The following RANBP2 variants were observed in gnomAD, a reference collection of about 807,000 sequenced individuals.
RANBP2 encodes RAN binding protein 2, also known as E3 SUMO-protein ligase RanBP2.
A neutral mutation model predicts 303.6 loss-of-function variants in RANBP2; 57 were observed. That is an observed-to-expected ratio of 0.19 (90% CI 0.15 to 0.23). The LOEUF is 0.23. RANBP2 is among the 10% of genes least tolerant of loss of function. RANBP2 has a pLI of 1.00. For synonymous variants in RANBP2, 1,167 were observed against 1,301.5 expected (o/e 0.90, Z 2.23); for missense variants, 3,138 against 3,780.8 (o/e 0.83, Z 4.46).
chr2:108,870,082 A>G, the RANBP2 span, among the ~76,000 whole-genome samples: 4 of 152,258 alleles, frequency 2.6e-5, no homozygotes, highest in African/African-American at 9.6e-5. Flanking sequence ...TTTCTCAGCT[A>G]TCTTAAATAT....
chr2:108,904,043 A>G, the RANBP2 span, among the ~76,000 whole-genome samples: 1 of 152,204 alleles, frequency 6.6e-6, no homozygotes, highest in Non-Finnish European at 1.5e-5. Context: ...GAATGGAGAA[A>G]ACATTTATAA....
the RANBP2 span, among the ~76,000 whole-genome samples, chr2:108,840,676 T>G: frequency 8.5e-5 from 13 of 152,228 alleles, no homozygotes; most frequent in Non-Finnish European, 1.5e-4. Context: ...CATTATTTCC[T>G]TCTTGATATG....
At chr2:109,351,804 C>G in the RANBP2 span, among the ~76,000 whole-genome samples, 1 of 152,244 alleles carries the variant, frequency 6.6e-6, no homozygotes, top group African/African-American at 2.4e-5. Context: ...ACTGTGCTGT[C>G]CTAACCCTCA....
chr2:109,256,644 C>A, the RANBP2 span, among the ~76,000 whole-genome samples: 8 of 152,166 alleles, frequency 5.3e-5, no homozygotes, highest in African/African-American at 1.4e-4. Flanking sequence ...ATTTTTATTA[C>A]TTTTTCCCTA....
At chr2:109,200,900 C>A in the RANBP2 span, among the ~76,000 whole-genome samples, 3 of 152,194 alleles carry the variant, frequency 2.0e-5, no homozygotes, top group Non-Finnish European at 4.4e-5. Flanking sequence ...TCATGTCACT[C>A]CTCCTTGGGC....
At chr2:109,279,168 C>A in the RANBP2 span, among the ~76,000 whole-genome samples, 3 of 152,120 alleles carry the variant, frequency 2.0e-5, no homozygotes, top group South Asian at 6.2e-4. Context: ...AGCTGTGGTC[C>A]GGATTCCATG....
At chr2:109,567,792 T>C in the RANBP2 span, 1 of 1,544,554 alleles carries the variant, frequency 6.5e-7, no homozygotes, top group Non-Finnish European at 8.7e-7. Flanking sequence ...GAAAACAGAA[T>C]TAACATTCAA....
chr2:109,569,642 A>G, the RANBP2 span, among the ~76,000 whole-genome samples: 1 of 152,150 alleles, frequency 6.6e-6, no homozygotes, highest in Non-Finnish European at 1.5e-5. Flanking sequence ...TAAATTAGTC[A>G]AAGTACATAA....
the RANBP2 span, among the ~76,000 whole-genome samples, chr2:108,875,318 AT>A: frequency 0.28 from 13,349 of 47,670 alleles, 1,347 homozygotes; most frequent in African/African-American, 0.43. Flanking sequence ...TTAAAGTATA[AT>A]AAAAAAAAAA....
the RANBP2 span, among the ~76,000 whole-genome samples, chr2:109,706,731 T>C: frequency 6.6e-6 from 1 of 152,336 alleles, no homozygotes; most frequent in East Asian, 1.9e-4. Context: ...TCAATAAGTA[T>C]TTGTCTGATA....
chr2:108,905,981 C>T, the RANBP2 span, among the ~76,000 whole-genome samples: 13 of 152,292 alleles, frequency 8.5e-5, no homozygotes, highest in African/African-American at 2.4e-4. Context: ...AGTGTGGACA[C>T]GGTCTCTGGG....
At chr2:108,830,596 CAGG>C in the RANBP2 span, among the ~76,000 whole-genome samples, 2 of 151,582 alleles carry the variant, frequency 1.3e-5, no homozygotes, top group Non-Finnish European at 2.9e-5. Flanking sequence ...CACCTGATGT[CAGG>C]AGTTCAAGTC....
the RANBP2 span, among the ~76,000 whole-genome samples, chr2:108,840,733 TTC>T: frequency 6.6e-6 from 1 of 152,168 alleles, no homozygotes; most frequent in African/African-American, 2.4e-5. Context: ...TGCTAGAAGT[TTC>T]TCTGTTTCTC....
At chr2:109,614,762 C>T in the RANBP2 span, 3 of 1,478,502 alleles carry the variant, frequency 2.0e-6, no homozygotes, top group South Asian at 1.3e-5. Flanking sequence ...CCGAGCCCTC[C>T]GGGGACCCGC....
the RANBP2 span, among the ~76,000 whole-genome samples, chr2:109,104,930 G>T: frequency 6.6e-6 from 1 of 152,220 alleles, no homozygotes; most frequent in African/African-American, 2.4e-5. Context: ...GGGAGGCACT[G>T]TCATGACCCC....
the RANBP2 span, among the ~76,000 whole-genome samples, chr2:109,710,152 C>T: frequency 2.0e-5 from 3 of 150,618 alleles, no homozygotes; most frequent in African/African-American, 4.9e-5. Context: ...GAGGCCGAGA[C>T]GGGTGGATCA....
At chr2:109,242,449 A>C in the RANBP2 span, among the ~76,000 whole-genome samples, 1 of 152,176 alleles carries the variant, frequency 6.6e-6, no homozygotes, top group African/African-American at 2.4e-5. Context: ...CTTGGGGCTC[A>C]GAATGGGGCC....
At chr2:109,596,231 T>A in the RANBP2 span, among the ~76,000 whole-genome samples, 3 of 152,032 alleles carry the variant, frequency 2.0e-5, no homozygotes, top group Non-Finnish European at 4.4e-5. Context: ...GGTAAAAAAG[T>A]GGTTTTTAGT....
chr2:109,130,758 CATTTAT>C, the RANBP2 span, among the ~76,000 whole-genome samples: 12 of 152,124 alleles, frequency 7.9e-5, no homozygotes, highest in Non-Finnish European at 1.3e-4. Context: ...CCACGGGGGT[CATTTAT>C]ATTTATTATT....
Sources: gnomAD v4.1 joint callset for allele counts (sites outside exome capture counted in the v4.1 genomes callset) on GRCh38, gnomAD v4.1.1 for gene constraint, MANE v1.5 for transcripts, NCBI Gene and HGNC (gene_info 2026-07-23, HGNC 2026-07-21) for gene names.